Variants in WSB1 observed in about 807,000 individuals in gnomAD.
The protein encoded by WSB1 is WD repeat and SOCS box-containing protein 1.
A neutral mutation model predicts 50.2 loss-of-function variants in WSB1; 23 were observed. The observed-to-expected ratio is 0.46, with a 90% CI of 0.33 to 0.65. WSB1 has a LOEUF of 0.65. WSB1 is among the 30% of genes least tolerant of loss of function. The pLI is 0.02. For missense variants in WSB1, 492 were observed against 522.3 expected (o/e 0.94, Z 0.56); for synonymous variants, 179 against 172.0 (o/e 1.04, Z -0.32).
chr17:27,311,104 G>A (rs576852105), intron 7 of WSB1, among the ~76,000 whole-genome samples: 29 of 152,170 alleles, frequency 1.9e-4, no homozygotes, highest in Admixed American at 2.6e-4. Flanking sequence ...CACCCACCTC[G>A]GCCTCCCAAA....
chr17:27,308,742 G>A (rs2017555532), intron 5 of WSB1: 3 of 987,380 alleles, frequency 3.0e-6, no homozygotes, highest in Non-Finnish European at 3.6e-6. Context: ...AAAAAAAAGA[G>A]AAGGGGGTTT....
intron 1 of WSB1, among the ~76,000 whole-genome samples, chr17:27,301,333 G>C (rs2017221439): frequency 6.6e-6 from 1 of 152,142 alleles, no homozygotes; most frequent in African/African-American, 2.4e-5. Context: ...TTGAGTAATG[G>C]TGTAATATTG....
chr17:27,301,671 C>A lies in WSB1; in HGVS notation c.41-117C>A. On this transcript the variant is annotated intron_variant, in intron 1 of 8. Coordinates refer to ENST00000262394, the MANE Select transcript of WSB1 (RefSeq NM_015626.10). ...CCGTTAGAGGATGGAATGCAGAACTCACTATACCCTGTCTGCATAGAAGAG... is the reference window on the plus strand; with the variant it reads ...CCGTTAGAGGATGGAATGCAGAACTAACTATACCCTGTCTGCATAGAAGAG... The A allele has an allele frequency of 5.7e-6, 6 of 1,048,700 alleles. No individual in the cohort carries two copies. In the South Asian group the frequency reaches 8.9e-5, roughly 16 times the overall value. The allele number at this position is 1,048,700 out of a possible 1,614,324, so 65.0% of individuals were successfully genotyped here.
intron 2 of WSB1, 25 bp from the exon 3 acceptor site, chr17:27,303,342 T>A (rs754822456): frequency 2.1e-5 from 33 of 1,609,230 alleles, no homozygotes; most frequent in Non-Finnish European, 2.6e-5. Context: ...ATAATACAAT[T>A]TCCATCTGAC....
rs569631310 is a variant in WSB1, at chr17:27,312,008, G to C, written c.1107-202G>C. Among the ~76,000 whole-genome samples the C allele has an allele frequency of 2.0e-3, 297 of 152,212 alleles. 1 individual carries two copies. The highest frequency in any genetic ancestry group is 4.1e-3 in the South Asian group (20 of 4,822). On this transcript the variant is annotated intron_variant, in intron 8 of 8. Coordinates refer to ENST00000262394, the MANE Select transcript of WSB1 (RefSeq NM_015626.10). ...GGCTTTTAGCAGCTAGTAATTTATT[G>C]TCAGTAAAACTCTAATAAGTGTTCT...
At chr17:27,307,213 G>A (rs1322116550) in intron 5 of WSB1, 7 of 218,986 alleles carry the variant, frequency 3.2e-5, no homozygotes, top group Non-Finnish European at 6.2e-5. Context: ...CTTCTCTGTT[G>A]TTCTATTTTT....
chr17:27,297,987 G>C (rs1428823372), intron 1 of WSB1, among the ~76,000 whole-genome samples: 2 of 151,864 alleles, frequency 1.3e-5, no homozygotes, highest in African/African-American at 2.4e-5. Flanking sequence ...TGGGCATCAT[G>C]ATGGTGCATA....
chr17:27,308,032 A>G (rs1218127269), intron 5 of WSB1: 1 of 1,205,952 alleles, frequency 8.3e-7, no homozygotes, highest in Non-Finnish European at 1.0e-6. Flanking sequence ...TTCCAGTTTT[A>G]TGGAATTGGG....
chr17:27,299,255 A>C (rs769645547), intron 1 of WSB1, among the ~76,000 whole-genome samples: 19 of 152,178 alleles, frequency 1.2e-4, no homozygotes, highest in Non-Finnish European at 2.4e-4. Flanking sequence ...TCACATCTGT[A>C]ATCCCAGTAC....
intron 1 of WSB1, among the ~76,000 whole-genome samples, chr17:27,298,016 C>T (rs1259342481): frequency 5.3e-5 from 8 of 149,876 alleles, no homozygotes; most frequent in East Asian, 2.0e-4. Context: ...CTAAGCTACT[C>T]GGGAGGCTGA....
intron 6 of WSB1, 31 bp from the exon 7 acceptor site, chr17:27,310,030 A>G: frequency 6.3e-7 from 1 of 1,580,794 alleles, no homozygotes; most frequent in Non-Finnish European, 8.7e-7. Context: ...GAAGTGACTG[A>G]TATCCACTGA....
At chr17:27,298,571 T>C (rs1311629815) in intron 1 of WSB1, among the ~76,000 whole-genome samples, 3 of 151,826 alleles carry the variant, frequency 2.0e-5, no homozygotes, top group Non-Finnish European at 4.4e-5. Flanking sequence ...ATTGTTTTTT[T>C]GCCGGGTGCG....
At chr17:27,307,052 T>C in intron 5 of WSB1, 170 bp downstream of exon 5, 3 of 647,628 alleles carry the variant, frequency 4.6e-6, no homozygotes, top group Admixed American at 3.0e-5. Flanking sequence ...AATATAGTTA[T>C]TGATTGCCAA....
Position 27,303,441 on chromosome 17 carries a change from A to C in WSB1, c.284A>C (p.Gln95Pro), listed in dbSNP as rs766183559. The C allele has an allele frequency of 1.2e-6, 2 of 1,614,038 alleles. No homozygotes were observed. ...RLPRQNSDGGQKNKPREHIID... is the reference protein window; with the variant it reads ...RLPRQNSDGGPKNKPREHIID... ...CCAAGACAAAATAGTGATGGTGGTCAGAAAAATAAGCCTCGTGAACATATT... is the reference window on the plus strand; with the variant it reads ...CCAAGACAAAATAGTGATGGTGGTCCGAAAAATAAGCCTCGTGAACATATT... Residue 95 changes from glutamine to proline, a missense_variant, in exon 3 of 9, where the codon CAG becomes CCG. Gln to Pro is a moderately conservative substitution (Grantham distance 76). Coordinates refer to ENST00000262394, the MANE Select transcript of WSB1 (RefSeq NM_015626.10).
intron 1 of WSB1, among the ~76,000 whole-genome samples, chr17:27,298,378 G>T: frequency 6.6e-6 from 1 of 151,894 alleles, no homozygotes; most frequent in East Asian, 1.9e-4. Context: ...TTTTTAAAAT[G>T]CTTTAAAAAT....
At chr17:27,302,843 A>G (rs9901807) in intron 2 of WSB1, 8,842 of 152,848 alleles carry the variant, frequency 0.058, 651 homozygotes, top group African/African-American at 0.17. Flanking sequence ...GCTATATTGG[A>G]TCTTTCCCTG....
rs185707182 is a variant in WSB1, at chr17:27,303,250, T to C, written c.210-117T>C. The C allele has an allele frequency of 2.8e-5, 32 of 1,138,544 alleles. No individual in the cohort carries two copies. The African/African-American group carries it at 3.2e-4, about 11-fold the overall frequency. 70.5% of individuals were successfully genotyped at this position (1,138,544 alleles called of 1,614,324 possible). A position where few individuals can be genotyped will look rare whatever the true frequency, so the allele number is the denominator to read the frequency against. On this transcript the variant is annotated intron_variant, in intron 2 of 8. Coordinates refer to ENST00000262394, the MANE Select transcript of WSB1 (RefSeq NM_015626.10). Reference sequence around the variant, plus strand: ...TCCTATCTATAGGATTCTATTGTTATTTGGTGTCATTATAATAATATTGAG... The same window carrying C: ...TCCTATCTATAGGATTCTATTGTTACTTGGTGTCATTATAATAATATTGAG...
At chr17:27,300,949 C>T (rs944758578) in intron 1 of WSB1, among the ~76,000 whole-genome samples, 2 of 151,884 alleles carry the variant, frequency 1.3e-5, no homozygotes, top group African/African-American at 4.8e-5. Flanking sequence ...GTGGCACTTT[C>T]TTGGCTTACT....
At chr17:27,306,639 G>T (rs1357770807) in intron 4 of WSB1, 143 bp from the exon 5 acceptor site, 1 of 701,030 alleles carries the variant, frequency 1.4e-6, no homozygotes, top group Admixed American at 2.9e-5. Flanking sequence ...AACCTAAGCA[G>T]CTGGTGTATA....
Sources: allele counts gnomAD v4.1 joint callset (sites outside exome capture counted in the v4.1 genomes callset), GRCh38; gene constraint gnomAD v4.1.1; transcripts MANE v1.5; gene names NCBI Gene and HGNC (gene_info 2026-07-23, HGNC 2026-07-21).